Variants in ANGPT2 observed in about 807,000 individuals in gnomAD.
ANGPT2 encodes angiopoietin 2.
In ANGPT2, 28 loss-of-function variants were observed where a neutral mutation model predicts 62.9. The ratio of observed to expected loss-of-function variants is 0.44; its 90% confidence interval spans 0.33 to 0.61. The LOEUF is 0.61. Ranked by LOEUF, ANGPT2 falls within the 20% of genes least tolerant of loss-of-function variation. ANGPT2 has a pLI of 0.03. For synonymous variants in ANGPT2, 284 were observed against 207.8 expected (o/e 1.37, Z -3.15); for missense variants, 727 against 594.9 (o/e 1.22, Z -2.31).
At chr8:6,513,028 C>G (rs7013006) in intron 7 of ANGPT2, among the ~76,000 whole-genome samples, 12,923 of 152,302 alleles carry the variant, frequency 0.085, 648 homozygotes, top group African/African-American at 0.14. Flanking sequence ...AAGTATCCAT[C>G]ATTTATGCTA....
Position 6,527,662 on chromosome 8 carries a change from G to C in ANGPT2, c.459C>G (p.Thr153=). 1 of 1,613,352 alleles carries C rather than the reference G, an allele frequency of 6.2e-7. No homozygotes were observed. Among genetic ancestry groups the C allele is most frequent in the South Asian group, 1.1e-5 (1 of 91,020 alleles). ...TDVEAQVLNQ[T]TRLELQLLEH... is the part of the protein sequence containing the mutation. ...CCAAGAGCTGAAGTTCAAGTCTCGT[G>C]GTCTGATTTAATACCTAAATGTAAC... is the stretch of plus-strand genomic sequence containing the variant. Residue 153 remains threonine (T), a synonymous_variant, in exon 3 of 9, where the codon ACC becomes ACG. Transcript: ENST00000629816.
chr8:6,540,321 A>C (rs10099687), intron 1 of ANGPT2, among the ~76,000 whole-genome samples: 1,943 of 152,314 alleles, frequency 0.013, 52 homozygotes, highest in African/African-American at 0.043. Flanking sequence ...TTTATTTTCT[A>C]CTGATAAAGT....
rs923357014 is a variant in ANGPT2, at chr8:6,502,430, A to G, written c.*671T>C. The stretch of plus-strand genomic sequence containing the variant: ...AATTTCAGAGATTCTGGAAGTTTCT[A>G]CCATATAAATTTGAAATACGTATTT... On this transcript the variant is annotated 3_prime_UTR_variant, in exon 9 of 9. Coordinates refer to ENST00000629816, the MANE Select transcript of ANGPT2 (RefSeq NM_001118887.2). 4.6e-5 allele frequency: 7 copies of G among 152,234 alleles called. No homozygotes were observed. Among genetic ancestry groups the G allele is most frequent in the Non-Finnish European group, 1.0e-4 (7 of 68,040 alleles). The allele number at this position is 152,234 out of a possible 1,614,324, so 9.4% of individuals were successfully genotyped here.
Position 6,527,899 on chromosome 8 carries a change from A to ATTTTTTTTTTTTTTTT in ANGPT2, c.445-224_445-223insAAAAAAAAAAAAAAAA, listed in dbSNP as rs71213313. On this transcript the variant is annotated intron_variant, in intron 2 of 8. Coordinates refer to ENST00000629816, the MANE Select transcript of ANGPT2 (RefSeq NM_001118887.2). ...TTTTTACTCTTTTCCCCACGTCTCT[A>ATTTTTTTTTTTTTTTT]TTTTTTTTTTTTTTGAGATGGAATC... Among the ~76,000 whole-genome samples the ATTTTTTTTTTTTTTTT allele has an allele frequency of 4.7e-4, 62 of 133,134 alleles. 2 individuals are homozygous for ATTTTTTTTTTTTTTTT. The highest frequency in any genetic ancestry group is 6.7e-4 in the Non-Finnish European group (41 of 61,312). The allele number at this position is 133,134 out of a possible 152,430, so 87.3% of individuals were successfully genotyped here. A position where few individuals can be genotyped will look rare whatever the true frequency, so the allele number is the denominator to read the frequency against.
intron 1 of ANGPT2, among the ~76,000 whole-genome samples, chr8:6,562,263 A>C (rs1221836971): frequency 3.9e-5 from 6 of 152,026 alleles, no homozygotes; most frequent in African/African-American, 1.5e-4. Context: ...GCCTTCCCTC[A>C]CTTGCCTGCA....
chr8:6,509,103 A>G (rs1421829999), intron 7 of ANGPT2, 41 bp from the exon 8 acceptor site: 4 of 1,596,892 alleles, frequency 2.5e-6, no homozygotes, highest in Non-Finnish European at 8.5e-7. Flanking sequence ...GGCTAGGGTC[A>G]TTGATTTACC....
intron 1 of ANGPT2, among the ~76,000 whole-genome samples, chr8:6,555,189 C>T (rs1824373772): frequency 6.6e-6 from 1 of 152,042 alleles, no homozygotes; most frequent in South Asian, 2.1e-4. Flanking sequence ...AATCCAAGTG[C>T]CAGGCCATTT....
Position 6,522,161 on chromosome 8 carries a change from C to G in ANGPT2, c.567-751G>C, listed in dbSNP as rs373640216. On this transcript the variant is annotated intron_variant, in intron 3 of 8. Coordinates refer to ENST00000629816, the MANE Select transcript of ANGPT2 (RefSeq NM_001118887.2). ...ACGAGGTCGGGAGATTGAGAGTATC[C>G]TGGCTAACACGGTGAAACCCCGTCT... 1.5e-3 allele frequency among the ~76,000 whole-genome samples: 223 copies of G among 151,912 alleles called. 1 individual carries two copies. Among genetic ancestry groups the G allele is most frequent in the African/African-American group, 5.1e-3 (210 of 41,458 alleles).
intron 1 of ANGPT2, among the ~76,000 whole-genome samples, chr8:6,549,396 A>G (rs1586561943): frequency 6.6e-6 from 1 of 152,350 alleles, no homozygotes; most frequent in African/African-American, 2.4e-5. Context: ...ACCTAGCAAA[A>G]TTAACCCATG....
chr8:6,506,900 A>G (rs1323845320), intron 8 of ANGPT2, among the ~76,000 whole-genome samples: 49 of 150,848 alleles, frequency 3.2e-4, no homozygotes, highest in Non-Finnish European at 5.9e-5. Flanking sequence ...ACTGTTAATG[A>G]TGCTTTTTTT....
At chr8:6,536,105 C>T (rs1177525699) in intron 1 of ANGPT2, among the ~76,000 whole-genome samples, 2 of 152,052 alleles carry the variant, frequency 1.3e-5, no homozygotes, top group African/African-American at 4.8e-5. Context: ...TATGTTCTTA[C>T]TCTTGAAGTC....
rs1812083817 is a variant in ANGPT2, at chr8:6,501,071, A to G, written c.*2030T>C. ...AGGCCATGATACCGTTGTTGAATTCATAAAACCTTCTTAAATATAAAGTAG... is the reference window on the plus strand; with the variant it reads ...AGGCCATGATACCGTTGTTGAATTCGTAAAACCTTCTTAAATATAAAGTAG... On this transcript the variant is annotated 3_prime_UTR_variant, in exon 9 of 9. Transcript: ENST00000629816. 6.6e-6 allele frequency: 1 copy of G among 152,220 alleles called. No individual in the cohort carries two copies. The highest frequency in any genetic ancestry group is 1.5e-5 in the Non-Finnish European group (1 of 68,050). 9.4% of individuals were successfully genotyped at this position (152,220 alleles called of 1,614,324 possible).
At chr8:6,520,836 C>A (rs1346486932) in intron 4 of ANGPT2, among the ~76,000 whole-genome samples, 1 of 152,160 alleles carries the variant, frequency 6.6e-6, no homozygotes, top group Non-Finnish European at 1.5e-5. Context: ...ATGGCCATCC[C>A]ATGGGTCTGA....
Position 6,530,392 on chromosome 8 carries a change from C to A in ANGPT2, c.444+1940G>T, listed in dbSNP as rs191161171. Among the ~76,000 whole-genome samples the A allele has an allele frequency of 3.1e-3, 466 of 151,836 alleles. 3 individuals are homozygous for A. Among genetic ancestry groups the A allele is most frequent in the Non-Finnish European group, 5.2e-3 (353 of 67,942 alleles). ...GGTGTGGTAGCCTGCACCTGTAATC[C>A]CAGCTACGCGGGAGGCTAAGGCACG... On this transcript the variant is annotated intron_variant, in intron 2 of 8. Coordinates refer to ENST00000629816, the MANE Select transcript of ANGPT2 (RefSeq NM_001118887.2).
chr8:6,508,657 G>A (rs1023678351), intron 8 of ANGPT2: 1 of 588,008 alleles, frequency 1.7e-6, no homozygotes, highest in African/African-American at 1.9e-5. Flanking sequence ...ACGCAGGAGA[G>A]CTTGCTAAGA....
chr8:6,521,990 A>G (rs1817432250), intron 3 of ANGPT2, among the ~76,000 whole-genome samples: 1 of 152,200 alleles, frequency 6.6e-6, no homozygotes, highest in South Asian at 2.1e-4. Context: ...CTATGCGTTA[A>G]TGTCCTCACC....
intron 8 of ANGPT2, among the ~76,000 whole-genome samples, chr8:6,505,621 TTA>T (rs1391870912): frequency 7.8e-6 from 1 of 128,952 alleles, no homozygotes; most frequent in Admixed American, 8.4e-5. Flanking sequence ...CTTTATATAT[TTA>T]TATATGAATG....
rs767094824 is a variant in ANGPT2, at chr8:6,513,771, T to C, written c.1103A>G (p.Tyr368Cys). The part of the protein sequence containing the change: ...FVSQLTNQQR[Y>C]VLKIHLKDWE... ...GTCTTTAAGGTGTATTTTAAGCACATAGCGTTGCTGATTAGTCAGTTGCGA... is the reference window on the plus strand; with the variant it reads ...GTCTTTAAGGTGTATTTTAAGCACACAGCGTTGCTGATTAGTCAGTTGCGA... Residue 368 changes from tyrosine to cysteine, a missense_variant, in exon 7 of 9, where the codon TAT becomes TGT. Coordinates refer to ENST00000629816, the MANE Select transcript of ANGPT2 (RefSeq NM_001118887.2). 3 of 1,614,100 alleles carry C rather than the reference T, an allele frequency of 1.9e-6. No individual in the cohort carries two copies. Among genetic ancestry groups the C allele is most frequent in the South Asian group, 1.1e-5 (1 of 91,030 alleles).
chr8:6,519,755 GT>G, intron 5 of ANGPT2, 108 bp downstream of exon 5: 1 of 1,417,098 alleles, frequency 7.1e-7, no homozygotes, highest in Admixed American at 1.9e-5. Context: ...TTTGTACTGT[GT>G]GAGGCTGGGG....
Sources: allele counts gnomAD v4.1 joint callset (sites outside exome capture counted in the v4.1 genomes callset), GRCh38; gene constraint gnomAD v4.1.1; transcripts MANE v1.5; gene names NCBI Gene and HGNC (gene_info 2026-07-23, HGNC 2026-07-21).